The following KCTD1 variants were observed in gnomAD, a reference collection of about 807,000 sequenced individuals.
The protein encoded by KCTD1 is BTB/POZ domain-containing protein KCTD1.
A neutral mutation model predicts 66.0 loss-of-function variants in KCTD1; 24 were observed. The ratio of observed to expected loss-of-function variants is 0.36; its 90% CI spans 0.26 to 0.51. KCTD1 has a LOEUF of 0.51. Among genes scored for constraint, KCTD1 ranks in the 20% least tolerant of loss-of-function variants. The probability of loss-of-function intolerance (pLI) is 0.95; values close to 1 mark genes in which losing one functional copy is unlikely to be tolerated. For missense variants in KCTD1, 943 were observed against 1,205.2 expected, an observed-to-expected ratio of 0.78 and a Z score of 3.22; for synonymous variants, 511 against 517.2, an observed-to-expected ratio of 0.99 and a Z score of 0.16.
At chr18:26,464,989 C>G (rs139808233) in intron 3 of KCTD1, among the ~76,000 whole-genome samples, 1 of 152,082 alleles carries the variant, frequency 6.6e-6, no homozygotes, top group Admixed American at 6.6e-5. Flanking sequence ...TTTATCTTGT[C>G]GGGGATGGAG....
rs1371064965 is a variant in KCTD1 at position 26,547,022 on chromosome 18, G to A, written c.1515C>T (p.Pro505=). ...AAGTGTTCCCCAGCGAGGGCGGCTG[G>A]GGGCGGTGGTGGTGGGAGGGATGGG... ...PPTHPSHHHR[P]QPPSLGNTYI... Residue 505 remains proline, a synonymous_variant, in exon 1 of 5, where the codon CCC becomes CCT. Transcript: ENST00000580059. 42 of 1,484,856 alleles carry A rather than the reference G, an allele frequency of 2.8e-5. 1 individual carries two copies. The South Asian group carries it at 5.0e-4, about 18-fold the overall frequency. The allele number at this position is 1,484,856 out of a possible 1,614,324, so 92.0% of individuals were successfully genotyped here. A position where few individuals can be genotyped will look rare whatever the true frequency, so the allele number is the denominator to read the frequency against.
chr18:26,518,165 G>A (rs770507129), intron 1 of KCTD1, among the ~76,000 whole-genome samples: 17 of 152,322 alleles, frequency 1.1e-4, no homozygotes, highest in South Asian at 6.2e-4. Context: ...TGGGTGCATC[G>A]TAGCTCCCCA....
At chr18:26,478,101 A>G (rs1981442551) in intron 2 of KCTD1, among the ~76,000 whole-genome samples, 1 of 152,232 alleles carries the variant, frequency 6.6e-6, no homozygotes, top group Non-Finnish European at 1.5e-5. Context: ...TACAGGATGA[A>G]AAAGAATGAG....
intron 1 of KCTD1, among the ~76,000 whole-genome samples, chr18:26,653,904 A>C (rs1476424948): frequency 6.6e-6 from 1 of 152,240 alleles, no homozygotes; most frequent in East Asian, 1.9e-4. Flanking sequence ...AGATGGAGCA[A>C]ATAAATGCTC....
chr18:26,523,330 C>CT (rs1299598781), intron 1 of KCTD1, among the ~76,000 whole-genome samples: 1 of 152,176 alleles, frequency 6.6e-6, no homozygotes, highest in Non-Finnish European at 1.5e-5. Context: ...GGGGGAAACT[C>CT]TGTTGCAGAT....
intron 1 of KCTD1, among the ~76,000 whole-genome samples, chr18:26,628,001 C>T (rs899701883): frequency 2.0e-5 from 3 of 152,160 alleles, no homozygotes; most frequent in Non-Finnish European, 4.4e-5. Context: ...GGCCCCCACC[C>T]CAGTTCCCAC....
At position 26,532,261 on chromosome 18, in the gene KCTD1, C is replaced by CTTTTTTTTTTTTTTT. The variant is rs533359603; in HGVS notation, c.1809+14452_1809+14466dup. Among the ~76,000 whole-genome samples, 36 of 29,560 alleles carry CTTTTTTTTTTTTTTT rather than the reference C, an allele frequency of 1.2e-3. 2 individuals are homozygous for CTTTTTTTTTTTTTTT. The highest frequency in any genetic ancestry group is 1.9e-3 in the African/African-American group (29 of 15,390). The allele number at this position is 29,560 out of a possible 152,430, so 19.4% of individuals were successfully genotyped here. A position where few individuals can be genotyped will look rare whatever the true frequency, so the allele number is the denominator to read the frequency against. On this transcript the variant is annotated intron_variant, in intron 1 of 4. Transcript: ENST00000580059. ...CTTTTTCTTTTTCTTTTCTTTCCTT[C>CTTTTTTTTTTTTTTT]TTTTTTTTTTTTTTTTTTTTTTTTT...
chr18:26,651,777 C>T (rs9807672), intron 1 of KCTD1, among the ~76,000 whole-genome samples: 58 of 92,344 alleles, frequency 6.3e-4, no homozygotes, highest in Non-Finnish European at 8.4e-4. Context: ...GAGCAAAACT[C>T]GGTCTCAAAA....
At chr18:26,459,520 T>C (rs1980287986) in intron 4 of KCTD1, 100 bp downstream of exon 4, 1 of 1,160,626 alleles carries the variant, frequency 8.6e-7, no homozygotes, top group African/African-American at 1.5e-5. Context: ...ACTGAGTGAG[T>C]TTCTAAGCTC....
chr18:26,651,799 A>AAAGAAGAAGAAGAAG (rs10530531), intron 1 of KCTD1, among the ~76,000 whole-genome samples: 3 of 117,142 alleles, frequency 2.6e-5, no homozygotes, highest in Admixed American at 9.1e-5. Flanking sequence ...AAAAAAAAAA[A>AAAGAAGAAGAAGAAG]AAGAAGAAGA....
chr18:26,631,259 T>C (rs1388799250), upstream of KCTD1, among the ~76,000 whole-genome samples: 1 of 152,198 alleles, frequency 6.6e-6, no homozygotes, highest in Non-Finnish European at 1.5e-5. Flanking sequence ...TGGAGATATG[T>C]TCTGAGAAAT....
intron 1 of KCTD1, among the ~76,000 whole-genome samples, chr18:26,647,480 G>A (rs73407317): frequency 0.054 from 6,995 of 128,408 alleles, 607 homozygotes; most frequent in African/African-American, 0.19. Context: ...AGATCATGCC[G>A]CTACACTCCA....
intron 1 of KCTD1, among the ~76,000 whole-genome samples, chr18:26,626,641 C>G (rs566629166): frequency 6.6e-6 from 1 of 152,116 alleles, no homozygotes; most frequent in Admixed American, 6.5e-5. Context: ...GCCTGGCTAA[C>G]TTTTTTGTTG....
rs1045964190 is a variant in KCTD1, at chr18:26,455,287, G to A, written c.*456C>T. On this transcript the variant is annotated 3_prime_UTR_variant, in exon 5 of 5. Transcript: ENST00000580059. ...CCATATACAAACAAACTTGATTCAA[G>A]GTGTTTTGTTTGTTTTGTTTTTTTA... is the stretch of plus-strand genomic sequence containing the variant. 3 of 152,800 alleles carry A rather than the reference G, an allele frequency of 2.0e-5. No homozygotes were observed. The highest frequency in any genetic ancestry group is 7.3e-5 in the African/African-American group (3 of 41,288). The allele number at this position is 152,800 out of a possible 1,614,324, so 9.5% of individuals were successfully genotyped here.
chr18:26,572,970 C>G (rs1567997743), intron 1 of KCTD1, among the ~76,000 whole-genome samples: 2 of 151,830 alleles, frequency 1.3e-5, no homozygotes, highest in Non-Finnish European at 2.9e-5. Flanking sequence ...GAGATACAGA[C>G]CATGTATTTA....
chr18:26,460,019 T>TA, intron 3 of KCTD1, 94 bp from the exon 4 acceptor site: 1 of 931,960 alleles, frequency 1.1e-6, no homozygotes, highest in Non-Finnish European at 1.6e-6. Flanking sequence ...CACTTCTTGT[T>TA]ATGTCACTAA....
intron 3 of KCTD1, among the ~76,000 whole-genome samples, chr18:26,461,506 C>G (rs1331866098): frequency 6.6e-6 from 1 of 152,186 alleles, no homozygotes; most frequent in Non-Finnish European, 1.5e-5. Flanking sequence ...CTTTAAGGAG[C>G]TGAAAACTAG....
upstream of KCTD1, among the ~76,000 whole-genome samples, chr18:26,640,872 G>C (rs1395674456): frequency 2.6e-5 from 4 of 152,104 alleles, no homozygotes; most frequent in Non-Finnish European, 1.5e-5. Flanking sequence ...GAAAGAGGAG[G>C]CATCTGCGGA....
At position 26,615,067 on chromosome 18, in the gene KCTD1, G is replaced by A. The variant is rs545756793; in HGVS notation, c.-16+14080C>T. Among the ~76,000 whole-genome samples the A allele has an allele frequency of 8.1e-4, 124 of 152,316 alleles. 1 individual carries two copies. The highest frequency in any genetic ancestry group is 2.1e-4 in the Non-Finnish European group (14 of 68,026). ...AATGAATTCCATGCAATCAGTAGAA[G>A]GACAGAATGTGAAGTGAAACAAATC... On this transcript the variant is annotated intron_variant, in intron 1 of 4. Coordinates refer to the KCTD1 transcript ENST00000317932.
Sources: gnomAD v4.1 joint callset for allele counts (sites outside exome capture counted in the v4.1 genomes callset) on GRCh38, gnomAD v4.1.1 for gene constraint, MANE v1.5 for transcripts, NCBI Gene and HGNC (gene_info 2026-07-23, HGNC 2026-07-21) for gene names.